PCDHA3: variants seen among roughly 807,000 people sequenced by gnomAD.
PCDHA3 encodes protocadherin alpha 3.
PCDHA3 carries 41 observed loss-of-function variants against 62.2 expected under a neutral mutation model. The observed-to-expected ratio is 0.66, with a 90% confidence interval of 0.51 to 0.86. The LOEUF (loss-of-function observed/expected upper bound fraction) is 0.86. Ranked by LOEUF, PCDHA3 falls within the 40% of genes least tolerant of loss-of-function variation. The probability of loss-of-function intolerance (pLI) is 0.00; values close to 1 mark genes in which losing one functional copy is unlikely to be tolerated. For missense variants in PCDHA3, 1,304 were observed against 1,241.2 expected (o/e 1.05, Z -0.76); for synonymous variants, 640 against 555.4 (o/e 1.15, Z -2.14).
At chr5:140,849,350 T>C in intron 1 of PCDHA3, 1 of 1,437,842 alleles carries the variant, frequency 7.0e-7, no homozygotes, top group Non-Finnish European at 9.5e-7. Flanking sequence ...CCAGTGATGT[T>C]TCTCCAGATA....
At chr5:140,838,813 T>A (rs1372139803) in intron 1 of PCDHA3, among the ~76,000 whole-genome samples, 1 of 151,884 alleles carries the variant, frequency 6.6e-6, no homozygotes, top group Non-Finnish European at 1.5e-5. Flanking sequence ...TTTCAGCTAC[T>A]CAAGAAACTG....
intron 1 of PCDHA3, among the ~76,000 whole-genome samples, chr5:140,902,174 T>C (rs1191904492): frequency 1.3e-5 from 2 of 151,720 alleles, no homozygotes; most frequent in Non-Finnish European, 2.9e-5. Context: ...AATTTGGATG[T>C]CCTTTATGTC....
At chr5:140,850,185 G>T (rs1554143929) in intron 1 of PCDHA3, 3 of 1,593,776 alleles carry the variant, frequency 1.9e-6, no homozygotes, top group Non-Finnish European at 2.6e-6. Flanking sequence ...CAATGCGCCG[G>T]CGCTGCTGAC....
Position 140,801,835 on chromosome 5 carries a change from C to G in PCDHA3, c.638C>G (p.Thr213Arg). The G allele has an allele frequency of 6.2e-7, 1 of 1,614,054 alleles. No individual in the cohort carries two copies. Among genetic ancestry groups the G allele is most frequent in the South Asian group, 1.1e-5 (1 of 91,088 alleles). The change falls in exon 1 of 4, where the codon ACA (threonine) becomes AGA (arginine). Residue 213 changes from threonine (T) to arginine (R), a missense_variant. Physicochemically the swap from Thr to Arg is moderately conservative, Grantham distance 71 (BLOSUM62 -1). Coordinates refer to ENST00000522353, the MANE Select transcript of PCDHA3 (RefSeq NM_018906.3). ...EDTPKHYLLI[T>R]AIDGGKPELT... ...ACTCCTAAGCATTATTTACTAATAA[C>G]AGCAATTGATGGTGGGAAACCAGAG...
At chr5:141,002,797 G>A (rs1025670333) in intron 3 of PCDHA3, among the ~76,000 whole-genome samples, 2 of 152,190 alleles carry the variant, frequency 1.3e-5, no homozygotes, top group African/African-American at 4.8e-5. Context: ...TATGGATGAG[G>A]AAACTGAGGC....
At chr5:140,930,644 A>G (rs1346561903) in intron 1 of PCDHA3, among the ~76,000 whole-genome samples, 1 of 152,198 alleles carries the variant, frequency 6.6e-6, no homozygotes, top group East Asian at 1.9e-4. Context: ...AGGAAGGAAA[A>G]TGAAGCATTC....
At chr5:141,000,421 A>ATATTTTTTTTTTT (rs1265241806) in intron 3 of PCDHA3, among the ~76,000 whole-genome samples, 1 of 27,968 alleles carries the variant, frequency 3.6e-5, no homozygotes, top group African/African-American at 1.8e-4. Flanking sequence ...ATATATATAT[A>ATATTTTTTTTTTT]TTTTTTTTTT....
At chr5:140,835,716 G>A in intron 1 of PCDHA3, 1 of 1,613,908 alleles carries the variant, frequency 6.2e-7, no homozygotes, top group Non-Finnish European at 8.5e-7. Flanking sequence ...GTCCGTGGAG[G>A]TGGCCGACGT....
intron 1 of PCDHA3, among the ~76,000 whole-genome samples, chr5:140,925,671 A>AATAATAATAATG (rs1445697337): frequency 4.7e-4 from 69 of 148,180 alleles, no homozygotes; most frequent in African/African-American, 1.7e-3. Flanking sequence ...TAATAATAAT[A>AATAATAATAATG]ATAATAAAGC....
rs145031481 is a variant in PCDHA3 at position 140,803,305 on chromosome 5, C to A, written c.2108C>A (p.Ala703Asp). 136 of 1,614,014 alleles carry A rather than the reference C, an allele frequency of 8.4e-5. No individual in the cohort carries two copies. Among genetic ancestry groups the A allele is most frequent in the Non-Finnish European group, 1.1e-4 (129 of 1,180,004 alleles). Reference sequence around the variant, plus strand: ...GATGTCAACGTGTACTTGATCGTCGCCATCTGCGCGGTGTCCAGTCTGTTG... The same window carrying A: ...GATGTCAACGTGTACTTGATCGTCGACATCTGCGCGGTGTCCAGTCTGTTG... ...LVDVNVYLIV[A>D]ICAVSSLLVL... Residue 703 changes from alanine (A) to aspartate (D), a missense_variant, in exon 1 of 4, where the codon GCC (alanine) becomes GAC (aspartate). Coordinates refer to ENST00000522353, the MANE Select transcript of PCDHA3 (RefSeq NM_018906.3).
intron 1 of PCDHA3, among the ~76,000 whole-genome samples, chr5:140,891,305 C>T (rs2063030266): frequency 6.6e-6 from 1 of 152,042 alleles, no homozygotes; most frequent in South Asian, 2.1e-4. Context: ...TATTTGATTA[C>T]ATGAGTAAGT....
At chr5:140,862,316 C>G (rs2047308112) in intron 1 of PCDHA3, 1 of 317,936 alleles carries the variant, frequency 3.1e-6, no homozygotes, top group Non-Finnish European at 6.2e-6. Context: ...CGTCATAGCC[C>G]TAATCAGTGT....
intron 1 of PCDHA3, chr5:140,834,285 A>G: frequency 8.5e-7 from 1 of 1,171,912 alleles, no homozygotes; most frequent in South Asian, 1.5e-5. Context: ...TGGATGCACA[A>G]CAATGGCCAC....
At chr5:140,870,383 G>A (rs2051950706) in intron 1 of PCDHA3, 20 of 1,614,242 alleles carry the variant, frequency 1.2e-5, no homozygotes, top group Non-Finnish European at 1.7e-5. Flanking sequence ...GTGACTGCGC[G>A]GGATGGGGGT....
chr5:140,805,580 A>G (rs1763597043), intron 1 of PCDHA3: 1 of 945,106 alleles, frequency 1.1e-6, no homozygotes, highest in East Asian at 1.2e-4. Flanking sequence ...TTAAATGGCT[A>G]CCATTATGTC....
At chr5:140,903,487 A>G (rs2070330722) in intron 1 of PCDHA3, among the ~76,000 whole-genome samples, 1 of 152,242 alleles carries the variant, frequency 6.6e-6, no homozygotes, top group South Asian at 2.1e-4. Context: ...TATAGTTCTG[A>G]GCAGGTACCA....
intron 1 of PCDHA3, among the ~76,000 whole-genome samples, chr5:140,956,511 T>C (rs1293826895): frequency 1.3e-5 from 2 of 152,218 alleles, no homozygotes. Flanking sequence ...TACTTGATCA[T>C]GGTGAATAAG....
intron 1 of PCDHA3, among the ~76,000 whole-genome samples, chr5:140,955,323 G>A (rs1213005534): frequency 6.6e-6 from 1 of 152,098 alleles, no homozygotes; most frequent in East Asian, 1.9e-4. Flanking sequence ...ACCTTGAATT[G>A]TAGTTCCCAT....
intron 1 of PCDHA3, chr5:140,881,433 T>A (rs1554172102): frequency 1.1e-6 from 1 of 872,990 alleles, no homozygotes; most frequent in African/African-American, 1.8e-5. Context: ...AGGCATATTT[T>A]ATAAAAACAG....
Sources: gnomAD v4.1 joint callset for allele counts (sites outside exome capture counted in the v4.1 genomes callset) on GRCh38, gnomAD v4.1.1 for gene constraint, MANE v1.5 for transcripts, NCBI Gene and HGNC (gene_info 2026-07-23, HGNC 2026-07-21) for gene names.